QSOX2: variants seen among roughly 807,000 people sequenced by gnomAD.
QSOX2 encodes quiescin sulfhydryl oxidase 2.
A neutral mutation model predicts 61.7 loss-of-function variants in QSOX2; 46 were observed. That is an observed-to-expected ratio of 0.75 (90% CI 0.59 to 0.95). The LOEUF (loss-of-function observed/expected upper bound fraction) is 0.95, where lower values mean the gene tolerates loss of function less well. Among genes scored for constraint, QSOX2 ranks in the 40% least tolerant of loss-of-function variants. QSOX2 has a pLI of 0.00. For synonymous variants in QSOX2, 383 were observed against 388.4 expected (o/e 0.99, Z 0.16); for missense variants, 879 against 918.9 (o/e 0.96, Z 0.56).
intron 2 of QSOX2, among the ~76,000 whole-genome samples, chr9:136,225,620 G>A (rs1166597093): frequency 6.6e-6 from 1 of 152,222 alleles, no homozygotes; most frequent in Non-Finnish European, 1.5e-5. Context: ...CAGGTCTGTT[G>A]TGCACAGACC....
chr9:136,217,107 G>A (rs1034586415), intron 8 of QSOX2, among the ~76,000 whole-genome samples: 4 of 152,370 alleles, frequency 2.6e-5, no homozygotes, highest in East Asian at 1.9e-4. Flanking sequence ...TGCTGACCCC[G>A]CCTGCCCGCC....
intron 1 of QSOX2, among the ~76,000 whole-genome samples, chr9:136,237,584 C>G (rs1373810321): frequency 6.9e-6 from 1 of 144,828 alleles, no homozygotes; most frequent in African/African-American, 2.6e-5. Context: ...TCACCTGGAG[C>G]CCGTCCTGTG....
At chr9:136,239,595 T>TATGGG (rs2131070299) in intron 1 of QSOX2, among the ~76,000 whole-genome samples, 1 of 152,360 alleles carries the variant, frequency 6.6e-6, no homozygotes, top group East Asian at 1.9e-4. Context: ...GCAGAGCCCC[T>TATGGG]GCACACACTG....
At chr9:136,232,248 T>A (rs1392704060) in intron 1 of QSOX2, among the ~76,000 whole-genome samples, 1 of 152,202 alleles carries the variant, frequency 6.6e-6, no homozygotes, top group Non-Finnish European at 1.5e-5. Flanking sequence ...GTGAGCGCTT[T>A]CCGCACAGGG....
At position 136,209,986 on chromosome 9, in the gene QSOX2, TCA is replaced by T. The variant is rs1831826283; in HGVS notation, c.1550-713_1550-712del. The T allele has an allele frequency of 2.0e-6, 2 of 985,260 alleles. No individual in the cohort carries two copies. The highest frequency in any genetic ancestry group is 3.5e-5 in the African/African-American group (2 of 57,244). 61.0% of individuals were successfully genotyped at this position (985,260 alleles called of 1,614,324 possible). A position where few individuals can be genotyped will look rare whatever the true frequency, so the allele number is the denominator to read the frequency against. On this transcript the variant is annotated intron_variant, in intron 11 of 11. Transcript: ENST00000358701. This position sits in a 1 kb window ranked among gnomAD's most constrained non-coding sequence, Gnocchi z 5.6. ...CCGACTTGCTGACACCTGGCCACCC[TCA>T]CAGAGCTTCCAGAAGTGAATGTAAA... is the stretch of plus-strand genomic sequence containing the variant.
intron 11 of QSOX2, chr9:136,210,799 TAACTC>T: frequency 4.1e-6 from 4 of 985,250 alleles, no homozygotes; most frequent in Non-Finnish European, 4.8e-6. Context: ...TTGAAGTACT[TAACTC>T]TGAGAAAATA....
At chr9:136,218,899 G>A (rs991001221) in intron 7 of QSOX2, 91 bp from the exon 8 acceptor site, 1 of 1,572,962 alleles carries the variant, frequency 6.4e-7, no homozygotes, top group African/African-American at 1.4e-5. Context: ...GGACTCCCAG[G>A]GCCCCTGGGA....
intron 10 of QSOX2, 126 bp from the exon 11 acceptor site, chr9:136,211,578 G>A: frequency 1.1e-6 from 1 of 892,212 alleles, no homozygotes; most frequent in South Asian, 1.6e-5. Flanking sequence ...GTCTCCCCAG[G>A]GGCCTCAGGC....
chr9:136,236,776 CCCGTCCTGGG>C (rs1219760354), intron 1 of QSOX2, among the ~76,000 whole-genome samples: 1 of 151,600 alleles, frequency 6.6e-6, no homozygotes, highest in Non-Finnish European at 1.5e-5. Flanking sequence ...TCACCTGGTG[CCCGTCCTGGG>C]CCGGCGACAC....
chr9:136,211,394 G>C lies in QSOX2; in HGVS notation c.1419C>G (p.Phe473Leu). The C allele has an allele frequency of 3.7e-6, 6 of 1,614,132 alleles. No individual in the cohort carries two copies. Among genetic ancestry groups the C allele is most frequent in the Non-Finnish European group, 5.1e-6 (6 of 1,180,034 alleles). ...LQTMRRYVHT[F>L]FGCKECGEHF... ...GCTCACCACATTCCTTACACCCAAA[G>C]AAGGTGTGAACGTACCTCCTCATTG... The change falls in exon 11 of 12, where the codon TTC becomes TTG. Residue 473 changes from phenylalanine (F) to leucine (L), a missense_variant. By Grantham distance (22) the Phe-to-Leu change is conservative (BLOSUM62 0). Transcript: ENST00000358701.
chr9:136,208,972 C>T lies in QSOX2; in HGVS notation c.1853G>A (p.Arg618Lys). 6.2e-7 allele frequency: 1 copy of T among 1,613,636 alleles called. No homozygotes were observed. The highest frequency in any genetic ancestry group is 8.5e-7 in the Non-Finnish European group (1 of 1,179,698). ...ATGCAAGCTCTCTGGAAGGGCAGGCCTGGGGCCCAGTGCACCAGGTGGACG... is the reference window on the plus strand; with the variant it reads ...ATGCAAGCTCTCTGGAAGGGCAGGCTTGGGGCCCAGTGCACCAGGTGGACG... ...SVRPPGALGPRPALPESLHHS... is the reference protein window; with the variant it reads ...SVRPPGALGPKPALPESLHHS... The change falls in exon 12 of 12, where the codon AGG (arginine) becomes AAG (lysine). Residue 618 changes from arginine to lysine, a missense_variant. Transcript: ENST00000358701.
At chr9:136,214,064 G>T (rs143882145) in intron 10 of QSOX2, among the ~76,000 whole-genome samples, 1 of 152,212 alleles carries the variant, frequency 6.6e-6, no homozygotes, top group Non-Finnish European at 1.5e-5. Flanking sequence ...TGGAAAGAGC[G>T]TTGAACTGTG....
intron 10 of QSOX2, among the ~76,000 whole-genome samples, chr9:136,212,903 A>C (rs1263722529): frequency 6.6e-6 from 1 of 150,860 alleles, no homozygotes; most frequent in Non-Finnish European, 1.5e-5. Context: ...GCAGGAGGCT[A>C]CTCCTGGAGG....
rs567620277 is a variant in QSOX2, at chr9:136,210,174, C to T, written c.1550-899G>A. 1.0e-5 allele frequency: 10 copies of T among 985,472 alleles called. No individual in the cohort carries two copies. The Admixed American group carries it at 6.1e-4, about 60-fold the overall frequency. 61.0% of individuals were successfully genotyped at this position (985,472 alleles called of 1,614,324 possible). On this transcript the variant is annotated intron_variant, in intron 11 of 11. Transcript: ENST00000358701. ...AGACCAGTGGCACCTTGGTCAGAAGCTGCCAGAGCTTCATGTAGGACTGTC... is the reference window on the plus strand; with the variant it reads ...AGACCAGTGGCACCTTGGTCAGAAGTTGCCAGAGCTTCATGTAGGACTGTC...
Position 136,209,944 on chromosome 9 carries a change from C to G in QSOX2, c.1550-669G>C. The stretch of plus-strand genomic sequence containing the variant: ...CTGCGGCGCACGGCGCCTCCTAGCT[C>G]TCGGAGCCCCTGCGACCCGACTTGC... On this transcript the variant is annotated intron_variant, in intron 11 of 11. Coordinates refer to ENST00000358701, the MANE Select transcript of QSOX2 (RefSeq NM_181701.4). The surrounding 1 kb of genome is among the most constrained non-coding windows in gnomAD (Gnocchi z 5.6). 1 of 985,440 alleles carries G rather than the reference C, an allele frequency of 1.0e-6. No homozygotes were observed. Among genetic ancestry groups the G allele is most frequent in the South Asian group, 4.7e-5 (1 of 21,290 alleles). 61.0% of individuals were successfully genotyped at this position (985,440 alleles called of 1,614,324 possible).
rs561634419 is a variant in QSOX2, at chr9:136,217,470, C to T, written c.1087-748G>A. On this transcript the variant is annotated intron_variant, in intron 8 of 11. Coordinates refer to ENST00000358701, the MANE Select transcript of QSOX2 (RefSeq NM_181701.4). ...GGTGGCGATGCCAGACCAGAAACGC[C>T]GGCATCTTCAGCTCAGTCCAATATA... Among the ~76,000 whole-genome samples, 44 of 152,340 alleles carry T rather than the reference C, an allele frequency of 2.9e-4. No individual in the cohort carries two copies. The East Asian group carries it at 7.1e-3, about 25-fold the overall frequency.
At chr9:136,229,330 G>A (rs1271440250) in intron 1 of QSOX2, among the ~76,000 whole-genome samples, 1 of 152,214 alleles carries the variant, frequency 6.6e-6, no homozygotes, top group African/African-American at 2.4e-5. Flanking sequence ...GGAAACAGGA[G>A]GTGCTCCCAG....
chr9:136,217,687 G>A (rs1469294960), intron 8 of QSOX2, among the ~76,000 whole-genome samples: 1 of 152,246 alleles, frequency 6.6e-6, no homozygotes, highest in Non-Finnish European at 1.5e-5. Flanking sequence ...AGCCGGGAGA[G>A]GAGAGCAGGT....
intron 10 of QSOX2, 37 bp from the exon 11 acceptor site, chr9:136,211,489 C>T (rs573397303): frequency 1.0e-5 from 16 of 1,602,364 alleles, no homozygotes; most frequent in East Asian, 4.5e-5. Context: ...ACGGCAGGTG[C>T]GTGGGCATCA....
Sources: gnomAD v4.1 joint callset for allele counts (sites outside exome capture counted in the v4.1 genomes callset) on GRCh38, gnomAD v4.1.1 for gene constraint, Gnocchi (gnomAD v3.1) non-coding constraint, MANE v1.5 for transcripts, NCBI Gene and HGNC (gene_info 2026-07-23, HGNC 2026-07-21) for gene names.